The following SSB variants were observed in gnomAD, a reference collection of about 807,000 sequenced individuals.
SSB encodes the protein small RNA binding exonuclease protection factor La, also known as lupus La protein.
Under a neutral mutation model 52.9 loss-of-function variants are expected in SSB, and 17 were observed. The observed-to-expected ratio is 0.32, with a 90% CI of 0.22 to 0.48. SSB has a LOEUF of 0.48. Ranked by LOEUF, SSB falls within the 20% of genes least tolerant of loss-of-function variation. SSB has a pLI of 0.99. For missense variants in SSB, 314 were observed against 463.6 expected (o/e 0.68, Z 2.96); for synonymous variants, 111 against 152.1 (o/e 0.73, Z 1.99).
intron 2 of SSB, among the ~76,000 whole-genome samples, chr2:169,802,228 T>C (rs1314556510): frequency 6.6e-6 from 1 of 152,102 alleles, no homozygotes; most frequent in Non-Finnish European, 1.5e-5. Context: ...GAGCATACTC[T>C]GGCTGGGGAG....
chr2:169,804,012 T>TA (rs1447739278), intron 2 of SSB, among the ~76,000 whole-genome samples: 5 of 152,342 alleles, frequency 3.3e-5, no homozygotes, highest in African/African-American at 1.2e-4. Flanking sequence ...GTGCTGGGAT[T>TA]ATGGGCTTGG....
chr2:169,812,042 A>G lies in SSB; in HGVS notation c.*286A>G. 2.9e-6 allele frequency: 2 copies of G among 694,728 alleles called. No homozygotes were observed. Among genetic ancestry groups the G allele is most frequent in the Non-Finnish European group, 4.7e-6 (2 of 424,224 alleles). 43.0% of individuals were successfully genotyped at this position (694,728 alleles called of 1,614,324 possible). A position where few individuals can be genotyped will look rare whatever the true frequency, so the allele number is the denominator to read the frequency against. ...TAGTACAAACTAACTAATAAAATAT[A>G]TACTATATGAAAAGAGCAAAAACAG... On this transcript the variant is annotated 3_prime_UTR_variant, in exon 12 of 12. Coordinates refer to ENST00000260956, the MANE Select transcript of SSB (RefSeq NM_003142.5).
chr2:169,801,114 C>T (rs1689703215), intron 2 of SSB, 88 bp downstream of exon 2: 4 of 1,100,918 alleles, frequency 3.6e-6, no homozygotes, highest in Non-Finnish European at 5.1e-6. Flanking sequence ...TGGACATATT[C>T]AACATTTGGT....
Position 169,808,882 on chromosome 2 carries a change from T to A in SSB, c.649T>A (p.Leu217Ile). 6.3e-7 allele frequency: 1 copy of A among 1,597,714 alleles called. No homozygotes were observed. Among genetic ancestry groups the A allele is most frequent in the East Asian group, 2.2e-5 (1 of 44,742 alleles). ...TAGGGAGCAAGAAGCAAAACAAAAGTTAGAAGAAGATGCTGAAATGGTAAG... is the reference window on the plus strand; with the variant it reads ...TAGGGAGCAAGAAGCAAAACAAAAGATAGAAGAAGATGCTGAAATGGTAAG... The part of the protein sequence containing the change: ...AKQEQEAKQK[L>I]EEDAEMKSLE... The change falls in exon 8 of 12, where the codon TTA (leucine) becomes ATA (isoleucine). Residue 217 changes from leucine to isoleucine, a missense_variant. Coordinates refer to ENST00000260956, the MANE Select transcript of SSB (RefSeq NM_003142.5).
In SSB at chr2:169,811,185, C is replaced by G. The variant is rs760886261; in HGVS notation, c.1000C>G (p.Arg334Gly). The G allele has an allele frequency of 7.5e-6, 12 of 1,608,020 alleles. No individual in the cohort carries two copies. The East Asian group carries it at 2.5e-4, about 33-fold the overall frequency. The stretch of plus-strand genomic sequence containing the variant: ...AGTGCTCAATTGTGTCTCTACAGGT[C>G]GTAGATTTAAAGGAAAAGGAAAGGG... ...ESLNKWKSKGRRFKGKGKGNK... is the reference protein window; with the variant it reads ...ESLNKWKSKGGRFKGKGKGNK... The change falls in exon 11 of 12, where the codon CGT (arginine) becomes GGT (glycine). Residue 334 changes from arginine (R) to glycine (G), a missense_variant and splice_region_variant. Physicochemically the swap from Arg to Gly is moderately radical, Grantham distance 125 (BLOSUM62 -2). Coordinates refer to ENST00000260956, the MANE Select transcript of SSB (RefSeq NM_003142.5).
chr2:169,805,770 T>TCCA lies in SSB; in HGVS notation c.277_279dup (p.Pro93dup), dbSNP rs1558970777. On this transcript the variant is annotated inframe_insertion, in exon 4 of 12. Transcript: ENST00000260956. Reference sequence around the variant, plus strand: ...AAGATAAAACTAAAATCAGAAGGTCTCCAAGCAAACCCCTACCTGAAGTGA... The same window carrying TCCA: ...AAGATAAAACTAAAATCAGAAGGTCTCCACCAAGCAAACCCCTACCTGAAGTGA... The TCCA allele has an allele frequency of 6.2e-7, 1 of 1,614,012 alleles. No homozygotes were observed. The highest frequency in any genetic ancestry group is 8.5e-7 in the Non-Finnish European group (1 of 1,179,978).
At position 169,807,737 on chromosome 2, in the gene SSB, C is replaced by CTTTTTTT. The variant is rs55845251; in HGVS notation, c.554+683_554+689dup. Among the ~76,000 whole-genome samples the CTTTTTTT allele has an allele frequency of 1.7e-3, 129 of 74,030 alleles. 7 individuals carry two copies. The highest frequency in any genetic ancestry group is 2.2e-3 in the South Asian group (4 of 1,796). 48.6% of individuals were successfully genotyped at this position (74,030 alleles called of 152,430 possible). Reference sequence around the variant, plus strand: ...ATCTTATTTTTCATAGCCTATATGTCTTTTTTTTTTTTTTTTTTTTTTTAC... The same window carrying CTTTTTTT: ...ATCTTATTTTTCATAGCCTATATGTCTTTTTTTTTTTTTTTTTTTTTTTTTTTTTTAC... On this transcript the variant is annotated intron_variant, in intron 6 of 11. Coordinates refer to ENST00000260956, the MANE Select transcript of SSB (RefSeq NM_003142.5).
chr2:169,810,488 T>A (rs1215401971), intron 9 of SSB, 65 bp downstream of exon 9: 1 of 1,408,042 alleles, frequency 7.1e-7, no homozygotes, highest in Non-Finnish European at 9.6e-7. Context: ...TAGACAAAAT[T>A]AGTAGAAAGT....
In SSB at chr2:169,811,857, A is replaced by C. The variant is rs1051392; in HGVS notation, c.*101A>C. The C allele has an allele frequency of 6.2e-7, 1 of 1,612,012 alleles. No individual in the cohort carries two copies. ...CCGAATTAGGTCCACTTCAATGTCC[A>C]CCTGTGAGAAAGGAAAAATTTTTTT... On this transcript the variant is annotated 3_prime_UTR_variant, in exon 12 of 12. Transcript: ENST00000260956.
chr2:169,806,653 T>G (rs912261109), intron 4 of SSB, 132 bp from the exon 5 acceptor site: 1 of 688,542 alleles, frequency 1.5e-6, no homozygotes, highest in African/African-American at 1.8e-5. Context: ...TGTTAAGTGA[T>G]TAACAAAGAG....
intron 1 of SSB, chr2:169,799,341 T>C (rs1689655545): frequency 7.0e-6 from 1 of 143,068 alleles, no homozygotes; most frequent in Non-Finnish European, 1.5e-5. Context: ...CTTGTGGCCA[T>C]CTCTGTAAAG....
In SSB at chr2:169,806,842, G is replaced by A. The variant is rs1573960351; in HGVS notation, c.403G>A (p.Gly135Ser). The change falls in exon 5 of 12, where the codon GGT becomes AGT. Residue 135 changes from glycine (G) to serine (S), a missense_variant. Physicochemically the swap from Gly to Ser is moderately conservative, Grantham distance 56. Transcript: ENST00000260956. Reference protein sequence around the residue: ...DDIKEWLEDKGQVLNIQMRRT... With the variant: ...DDIKEWLEDKSQVLNIQMRRT... ...CATAAAAGAATGGTTAGAAGATAAA[G>A]GTCAAGTACTAAATATTCAGATGAG... 4.3e-6 allele frequency: 7 copies of A among 1,613,410 alleles called. No homozygotes were observed. Among genetic ancestry groups the A allele is most frequent in the East Asian group, 2.2e-5 (1 of 44,786 alleles).
rs749333920 is a variant in SSB, at chr2:169,810,986, A to G, written c.939A>G (p.Glu313=). Residue 313 remains glutamate (E), a synonymous_variant, in exon 10 of 12, where the codon GAA becomes GAG. Transcript: ENST00000260956. ...WEVLEGEVEK[E]ALKKIIEDQQ... ...TACTAGAAGGAGAGGTGGAAAAAGA[A>G]GCACTGAAGAAAATAATAGAAGACC... 12 of 1,613,216 alleles carry G rather than the reference A, an allele frequency of 7.4e-6. No individual in the cohort carries two copies. The highest frequency in any genetic ancestry group is 1.0e-5 in the Non-Finnish European group (12 of 1,179,802).
intron 9 of SSB, 147 bp downstream of exon 9, chr2:169,810,570 G>C (rs560575645): frequency 1.3e-6 from 1 of 764,942 alleles, no homozygotes; most frequent in South Asian, 1.9e-5. Context: ...TGTGATGTCT[G>C]ATATTTTCTG....
chr2:169,811,296 G>A lies in SSB; in HGVS notation c.1111G>A (p.Asp371Asn). 1 of 1,597,500 alleles carries A rather than the reference G, an allele frequency of 6.3e-7. No individual in the cohort carries two copies. The highest frequency in any genetic ancestry group is 2.2e-5 in the East Asian group (1 of 44,710). Residue 371 changes from aspartate (D) to asparagine (N), a missense_variant, in exon 11 of 12, where the codon GAT becomes AAT. Transcript: ENST00000260956. ...KTKFASDDEHDEHDENGATGP... is the reference protein window; with the variant it reads ...KTKFASDDEHNEHDENGATGP... ...GAAATTTGCTAGTGATGATGAACAT[G>A]ATGAACATGATGAAAATGGTGCAAC...
chr2:169,810,260 G>T, intron 8 of SSB, 23 bp from the exon 9 acceptor site: 1 of 1,571,642 alleles, frequency 6.4e-7, no homozygotes, highest in Non-Finnish European at 8.6e-7. Context: ...GAAACTTTTT[G>T]ATCACTTTGT....
At chr2:169,806,513 C>T in intron 4 of SSB, 1 of 275,118 alleles carries the variant, frequency 3.6e-6, no homozygotes, top group Non-Finnish European at 6.8e-6. Context: ...GTACCATCAC[C>T]AGCTTTAGTA....
At chr2:169,802,415 CTTT>C (rs753585547) in intron 2 of SSB, among the ~76,000 whole-genome samples, 2 of 137,206 alleles carry the variant, frequency 1.5e-5, no homozygotes. Context: ...CTCAGAACTG[CTTT>C]TTTTTTTTTT....
intron 2 of SSB, among the ~76,000 whole-genome samples, chr2:169,804,028 C>T (rs188947298): frequency 1.3e-5 from 2 of 152,168 alleles, no homozygotes; most frequent in Admixed American, 6.5e-5. Context: ...CTTGGGCCAC[C>T]GTGCGAGGCC....
Sources: allele counts gnomAD v4.1 joint callset (sites outside exome capture counted in the v4.1 genomes callset), GRCh38; gene constraint gnomAD v4.1.1; transcripts MANE v1.5; gene names NCBI Gene and HGNC (gene_info 2026-07-23, HGNC 2026-07-21).